The following HACE1 variants were observed in gnomAD, a reference collection of about 807,000 sequenced individuals.
HACE1 encodes the protein HECT domain and ankyrin repeat containing E3 ubiquitin protein ligase 1, also known as E3 ubiquitin-protein ligase HACE1.
HACE1 carries 73 observed loss-of-function variants against 118.4 expected under a neutral mutation model. That is an observed-to-expected ratio of 0.62 (90% confidence interval 0.51 to 0.75). The LOEUF (loss-of-function observed/expected upper bound fraction) is 0.75, where lower values mean the gene tolerates loss of function less well. HACE1 is among the 30% of genes least tolerant of loss of function. The pLI is 0.00. For missense variants in HACE1, 749 were observed against 1,102.2 expected, an observed-to-expected ratio of 0.68 and a Z score of 4.54; for synonymous variants, 368 against 374.8, an observed-to-expected ratio of 0.98 and a Z score of 0.21.
At chr6:104,761,679 A>G (rs1193883708) in intron 19 of HACE1, among the ~76,000 whole-genome samples, 3 of 152,234 alleles carry the variant, frequency 2.0e-5, no homozygotes, top group African/African-American at 7.2e-5. Flanking sequence ...AATGGCAACA[A>G]AAGACAAAAT....
chr6:104,830,075 C>A (rs1351141791), intron 6 of HACE1, among the ~76,000 whole-genome samples: 1 of 152,116 alleles, frequency 6.6e-6, no homozygotes, highest in African/African-American at 2.4e-5. Context: ...TAATCTGAAT[C>A]CCAGTATTTT....
chr6:104,766,545 AAT>A (rs1399015570), intron 19 of HACE1, among the ~76,000 whole-genome samples: 1 of 152,200 alleles, frequency 6.6e-6, no homozygotes, highest in Non-Finnish European at 1.5e-5. Context: ...ATGTGCATTA[AAT>A]GTGTATGTTA....
intron 11 of HACE1, among the ~76,000 whole-genome samples, chr6:104,790,769 T>A (rs1350448570): frequency 1.3e-5 from 2 of 152,046 alleles, no homozygotes; most frequent in Non-Finnish European, 2.9e-5. Context: ...AATAAATACA[T>A]GAAGAAATAA....
At chr6:104,820,169 T>A (rs1488154349) in intron 6 of HACE1, among the ~76,000 whole-genome samples, 10 of 132,950 alleles carry the variant, frequency 7.5e-5, no homozygotes, top group Non-Finnish European at 1.2e-4. Context: ...CACTCCAGCC[T>A]GGGCAACAGA....
chr6:104,836,667 T>G (rs1458975528), intron 5 of HACE1, among the ~76,000 whole-genome samples: 1 of 152,084 alleles, frequency 6.6e-6, no homozygotes, highest in African/African-American at 2.4e-5. Context: ...GAGCTGAGAT[T>G]GCGCCACTGC....
rs1782195263 is a variant in HACE1 at position 104,785,022 on chromosome 6, C to T, written c.1372G>A (p.Ala458Thr). The change falls in exon 12 of 24, where the codon GCT becomes ACT. Residue 458 changes from alanine (A) to threonine (T), a missense_variant. Coordinates refer to ENST00000262903, the MANE Select transcript of HACE1 (RefSeq NM_020771.4). ...TANRLSAVIQ[A>T]FYMCCSCQMP... ...TGACAAGAACAGCACATGTAAAAAGCTTGAATGACAGCACTTAGCCGGTTA... is the reference window on the plus strand; with the variant it reads ...TGACAAGAACAGCACATGTAAAAAGTTTGAATGACAGCACTTAGCCGGTTA... 1 of 1,613,680 alleles carries T rather than the reference C, an allele frequency of 6.2e-7. No individual in the cohort carries two copies. The highest frequency in any genetic ancestry group is 8.5e-7 in the Non-Finnish European group (1 of 1,179,842).
At chr6:104,757,402 G>A (rs1430072445) in intron 19 of HACE1, among the ~76,000 whole-genome samples, 1 of 152,176 alleles carries the variant, frequency 6.6e-6, no homozygotes, top group East Asian at 1.9e-4. Context: ...CCAGGCAAAT[G>A]GGGTCTGGAG....
intron 14 of HACE1, among the ~76,000 whole-genome samples, chr6:104,777,809 G>A (rs1037520918): frequency 7.2e-5 from 11 of 152,212 alleles, no homozygotes; most frequent in Middle Eastern, 3.4e-3. Flanking sequence ...GTCCAGGCTG[G>A]AGTGCAGTGG....
intron 4 of HACE1, among the ~76,000 whole-genome samples, chr6:104,848,325 A>T (rs970997798): frequency 1.3e-5 from 2 of 151,420 alleles, no homozygotes; most frequent in African/African-American, 4.8e-5. Flanking sequence ...ACGTGGTGGC[A>T]CGTGCCTGTA....
At chr6:104,854,659 C>G (rs1311958784) in intron 1 of HACE1, among the ~76,000 whole-genome samples, 1 of 151,068 alleles carries the variant, frequency 6.6e-6, no homozygotes, top group Non-Finnish European at 1.5e-5. Flanking sequence ...TGAGGACAAA[C>G]TGTATATGGA....
At chr6:104,848,359 G>A (rs1775866702) in intron 4 of HACE1, among the ~76,000 whole-genome samples, 1 of 151,240 alleles carries the variant, frequency 6.6e-6, no homozygotes, top group Non-Finnish European at 1.5e-5. Flanking sequence ...AGGAGGCTGA[G>A]GCAGGAGAAT....
At chr6:104,817,141 T>C (rs1168812414) in intron 6 of HACE1, among the ~76,000 whole-genome samples, 36 of 152,190 alleles carry the variant, frequency 2.4e-4, no homozygotes, top group Non-Finnish European at 2.9e-5. Flanking sequence ...CTGAAATTAG[T>C]TAAGACTGGA....
intron 19 of HACE1, among the ~76,000 whole-genome samples, chr6:104,757,326 G>A (rs187357154): frequency 2.6e-5 from 4 of 152,302 alleles, no homozygotes; most frequent in Non-Finnish European, 4.4e-5. Context: ...GCCCCTCTGG[G>A]ACGAAGCTTC....
chr6:104,818,861 A>T (rs1388846874), intron 6 of HACE1, among the ~76,000 whole-genome samples: 4 of 152,318 alleles, frequency 2.6e-5, no homozygotes, highest in African/African-American at 9.6e-5. Context: ...AAAAACTCTT[A>T]AAAAACTAGG....
At chr6:104,847,911 G>A (rs1277759583) in intron 4 of HACE1, among the ~76,000 whole-genome samples, 4 of 151,506 alleles carry the variant, frequency 2.6e-5, no homozygotes, top group Admixed American at 2.0e-4. Context: ...TAGCTCTCCC[G>A]GGCACTCAAG....
chr6:104,840,134 T>C (rs1353989834), intron 5 of HACE1, among the ~76,000 whole-genome samples: 1 of 152,226 alleles, frequency 6.6e-6, no homozygotes, highest in Non-Finnish European at 1.5e-5. Flanking sequence ...CGGCAAAAAG[T>C]GCAGGGCAAC....
intron 7 of HACE1, among the ~76,000 whole-genome samples, chr6:104,805,794 T>C (rs148909867): frequency 7.0e-4 from 107 of 152,182 alleles, no homozygotes; most frequent in African/African-American, 2.4e-3. Flanking sequence ...ACATGGCACA[T>C]GTATACCTAT....
intron 11 of HACE1, among the ~76,000 whole-genome samples, chr6:104,788,934 T>C (rs1256735388): frequency 9.2e-5 from 14 of 152,118 alleles, no homozygotes; most frequent in Non-Finnish European, 2.9e-5. Flanking sequence ...TCATTCTTAA[T>C]GGAAAACCCA....
At position 104,852,387 on chromosome 6, in the gene HACE1, C is replaced by CAGAAAGAGTAAAACAG. The variant is rs10635352; in HGVS notation, c.77-17_77-16insCTGTTTTACTCTTTCT. On this transcript the variant is annotated splice_polypyrimidine_tract_variant and intron_variant, in intron 1 of 23. Coordinates refer to ENST00000262903, the MANE Select transcript of HACE1 (RefSeq NM_020771.4). The stretch of plus-strand genomic sequence containing the variant: ...GTTTCATTATCTGAGTAAAAAAAAA[C>CAGAAAGAGTAAAACAG]AAAGAGTTCATTTATCCCCTACTTT... 1 of 1,443,448 alleles carries CAGAAAGAGTAAAACAG rather than the reference C, an allele frequency of 6.9e-7. No individual in the cohort carries two copies. Among genetic ancestry groups the CAGAAAGAGTAAAACAG allele is most frequent in the Non-Finnish European group, 9.7e-7 (1 of 1,025,956 alleles). 89.4% of individuals were successfully genotyped at this position (1,443,448 alleles called of 1,614,324 possible).
Sources: allele counts gnomAD v4.1 joint callset (sites outside exome capture counted in the v4.1 genomes callset), GRCh38; gene constraint gnomAD v4.1.1; transcripts MANE v1.5; gene names NCBI Gene and HGNC (gene_info 2026-07-23, HGNC 2026-07-21).